The following OSBP2 variants were observed in gnomAD, a reference collection of about 807,000 sequenced individuals.
OSBP2 encodes the protein oxysterol-binding protein 2.
In OSBP2, 66 loss-of-function variants were observed where a neutral mutation model predicts 96.0. The ratio of observed to expected loss-of-function variants is 0.69; its 90% confidence interval spans 0.56 to 0.84. The LOEUF is 0.84. OSBP2 is among the 40% of genes least tolerant of loss of function. OSBP2 has a pLI of 0.00. For synonymous variants in OSBP2, 525 were observed against 520.9 expected (o/e 1.01, Z -0.11); for missense variants, 1,038 against 1,222.7 (o/e 0.85, Z 2.25).
chr22:30,874,913 C>G (rs570879497), intron 3 of OSBP2, among the ~76,000 whole-genome samples: 1 of 152,154 alleles, frequency 6.6e-6, no homozygotes, highest in Non-Finnish European at 1.5e-5. Context: ...CATACGACCA[C>G]GTGGCACTTA....
At chr22:30,873,678 C>G (rs1370853386) in intron 3 of OSBP2, among the ~76,000 whole-genome samples, 3 of 152,230 alleles carry the variant, frequency 2.0e-5, no homozygotes, top group Non-Finnish European at 2.9e-5. Context: ...TTAGGGAAAT[C>G]TCTACTGCCA....
At chr22:30,746,832 C>T (rs2090007569) in intron 2 of OSBP2, among the ~76,000 whole-genome samples, 1 of 152,002 alleles carries the variant, frequency 6.6e-6, no homozygotes, top group Admixed American at 6.6e-5. Flanking sequence ...TGAGGCCAGC[C>T]CTGATACCTA....
chr22:30,837,387 A>G (rs2038658098), intron 2 of OSBP2, among the ~76,000 whole-genome samples: 1 of 152,114 alleles, frequency 6.6e-6, no homozygotes. Flanking sequence ...AGCATGGAAA[A>G]CCACTGAGAC....
intron 1 of OSBP2, among the ~76,000 whole-genome samples, chr22:30,738,883 C>T (rs1368785983): frequency 3.9e-5 from 6 of 152,022 alleles, no homozygotes; most frequent in African/African-American, 7.2e-5. Flanking sequence ...GATTGAGTGT[C>T]GAGTCATTTG....
chr22:30,720,165 T>C (rs1019037286), intron 1 of OSBP2, among the ~76,000 whole-genome samples: 4 of 152,210 alleles, frequency 2.6e-5, no homozygotes, highest in African/African-American at 7.2e-5. Flanking sequence ...GCTGTCTCAG[T>C]GTTACTGTGT....
intron 1 of OSBP2, among the ~76,000 whole-genome samples, chr22:30,730,602 A>G (rs136366): frequency 0.06 from 9,030 of 151,422 alleles, 282 homozygotes; most frequent in Middle Eastern, 0.095. Context: ...TTCACAGTGA[A>G]TCAGGGTCAC....
rs551448765 is a variant in OSBP2, at chr22:30,871,292, G to A, written c.1107+610G>A. 1.5e-3 allele frequency among the ~76,000 whole-genome samples: 223 copies of A among 152,224 alleles called. 1 individual carries two copies. Among genetic ancestry groups the A allele is most frequent in the African/African-American group, 5.1e-3 (210 of 41,542 alleles). ...CTCACCCTGGCTCTGGAAGCCACAC[G>A]GCTAGGACTGGGAGCCAGGAGGGTG... is the stretch of plus-strand genomic sequence containing the variant. On this transcript the variant is annotated intron_variant, in intron 3 of 13. Transcript: ENST00000332585. The surrounding 1 kb of genome is among the most constrained non-coding windows in gnomAD (Gnocchi z 4.7).
At chr22:30,768,226 C>A (rs1415076890) in intron 2 of OSBP2, among the ~76,000 whole-genome samples, 1 of 152,152 alleles carries the variant, frequency 6.6e-6, no homozygotes, top group Non-Finnish European at 1.5e-5. Context: ...CTGAGCCCCT[C>A]CTCATGGGAC....
intron 1 of OSBP2, among the ~76,000 whole-genome samples, chr22:30,708,929 T>C (rs1229525816): frequency 6.6e-6 from 1 of 151,356 alleles, no homozygotes; most frequent in African/African-American, 2.4e-5. Flanking sequence ...GGTGAAAACT[T>C]ATCTCTACTA....
chr22:30,796,880 T>G (rs1417611450), intron 2 of OSBP2, among the ~76,000 whole-genome samples: 3 of 152,216 alleles, frequency 2.0e-5, no homozygotes, highest in Non-Finnish European at 4.4e-5. Flanking sequence ...AAGTGTAATG[T>G]TCAGTGGCAT....
At chr22:30,895,105 T>G (rs2040033511) in intron 12 of OSBP2, among the ~76,000 whole-genome samples, 1 of 152,040 alleles carries the variant, frequency 6.6e-6, no homozygotes, top group African/African-American at 2.4e-5. Context: ...CGAAGAGGAA[T>G]GAAGGGAGGG....
chr22:30,764,310 G>A (rs1183020115), intron 2 of OSBP2: 3 of 985,108 alleles, frequency 3.0e-6, no homozygotes, highest in Middle Eastern at 5.2e-4. Context: ...GGGGTTGGGT[G>A]GCTGGTGGCC....
chr22:30,797,083 G>C (rs1414707579), intron 2 of OSBP2, among the ~76,000 whole-genome samples: 1 of 152,078 alleles, frequency 6.6e-6, no homozygotes, highest in African/African-American at 2.4e-5. Context: ...CCTCATATAA[G>C]TGGAATCATA....
chr22:30,899,901 A>T (rs150248680), intron 12 of OSBP2, among the ~76,000 whole-genome samples: 22 of 152,358 alleles, frequency 1.4e-4, no homozygotes, highest in African/African-American at 5.3e-4. Flanking sequence ...AGGTGCCTAG[A>T]TACAAGATTA....
chr22:30,859,130 C>T (rs949514778), intron 2 of OSBP2, among the ~76,000 whole-genome samples: 5 of 151,940 alleles, frequency 3.3e-5, no homozygotes, highest in South Asian at 4.2e-4. Flanking sequence ...GAGGCAGCCG[C>T]GTGTGGAAAA....
intron 2 of OSBP2, among the ~76,000 whole-genome samples, chr22:30,761,965 A>T (rs1334438985): frequency 6.6e-6 from 1 of 152,076 alleles, no homozygotes; most frequent in Non-Finnish European, 1.5e-5. Flanking sequence ...CAACTATAAT[A>T]CTCCCAGCAG....
intron 2 of OSBP2, among the ~76,000 whole-genome samples, chr22:30,790,339 G>A (rs943222808): frequency 3.9e-5 from 6 of 152,056 alleles, no homozygotes; most frequent in Admixed American, 1.3e-4. Context: ...AGATTTGACA[G>A]CTTGAAACTA....
intron 3 of OSBP2, among the ~76,000 whole-genome samples, chr22:30,882,506 T>TAA (rs11370269): frequency 0.2 from 28,086 of 142,264 alleles, 2,936 homozygotes; most frequent in South Asian, 0.38. Context: ...ATGCACACTA[T>TAA]AAAAAAAAAA....
intron 1 of OSBP2, among the ~76,000 whole-genome samples, chr22:30,719,288 T>A (rs2089509219): frequency 6.6e-6 from 1 of 152,108 alleles, no homozygotes; most frequent in Non-Finnish European, 1.5e-5. Flanking sequence ...CAGTAGCTCA[T>A]GTTTTGTCTG....
Sources: gnomAD v4.1 joint callset for allele counts (sites outside exome capture counted in the v4.1 genomes callset) on GRCh38, gnomAD v4.1.1 for gene constraint, Gnocchi (gnomAD v3.1) non-coding constraint, MANE v1.5 for transcripts, NCBI Gene and HGNC (gene_info 2026-07-23, HGNC 2026-07-21) for gene names.